CD151: variants seen among roughly 807,000 people sequenced by gnomAD.
CD151 encodes CD151 molecule (Raph blood group).
CD151 carries 20 observed loss-of-function variants against 34.2 expected under a neutral mutation model. The ratio of observed to expected loss-of-function variants is 0.58; its 90% CI spans 0.41 to 0.85. The LOEUF is 0.85. CD151 is among the 40% of genes least tolerant of loss of function. CD151 has a pLI of 0.00. For synonymous variants in CD151, 157 were observed against 131.7 expected (o/e 1.19, Z -1.32); for missense variants, 306 against 324.5 (o/e 0.94, Z 0.44).
chr11:833,341 G>A (rs1192624167), intron 1 of CD151, among the ~76,000 whole-genome samples: 1 of 152,182 alleles, frequency 6.6e-6, no homozygotes, highest in Non-Finnish European at 1.5e-5. Flanking sequence ...CAGGGGTCCC[G>A]GGACGCGCAG....
chr11:833,823 C>CCATCGGTGGCAGACGCACACCCA (rs1846647272), intron 1 of CD151, among the ~76,000 whole-genome samples: 1 of 150,634 alleles, frequency 6.6e-6, no homozygotes, highest in Non-Finnish European at 1.5e-5. Flanking sequence ...CACACCCCGC[C>CCATCGGTGGCAGACGCACACCCA]CCCCGGTGGC....
At position 838,152 on chromosome 11, in the gene CD151, C is replaced by T. The variant is rs1846852859; in HGVS notation, c.722C>T (p.Thr241Met). The T allele has an allele frequency of 2.9e-5, 46 of 1,613,228 alleles. No homozygotes were observed. The highest frequency in any genetic ancestry group is 3.5e-5 in the Non-Finnish European group (41 of 1,179,866). Residue 241 changes from threonine to methionine, a missense_variant, in exon 9 of 9, where the codon ACG (threonine) becomes ATG (methionine). Thr to Met is a moderately conservative substitution (Grantham distance 81, BLOSUM62 -1). Transcript: ENST00000397420. ...ACACAGGTCTTTGGCATGATCTTCA[C>T]GTGCTGCCTGTACAGGAGTCTCAAG... ...ACVQVFGMIFTCCLYRSLKLE... is the reference protein window; with the variant it reads ...ACVQVFGMIFMCCLYRSLKLE...
Position 837,365 on chromosome 11 carries a change from G to A in CD151, c.456+11G>A, listed in dbSNP as rs368779993. On this transcript the variant is annotated intron_variant, in intron 6 of 8. Coordinates refer to ENST00000397420, the MANE Select transcript of CD151 (RefSeq NM_004357.5). ...CAGCTGCAGCAGGAGGTGGGTGGGT[G>A]GTGCTGGGAGGGCGCGTGCATCCCC... The A allele has an allele frequency of 2.5e-6, 4 of 1,610,994 alleles. No homozygotes were observed. The South Asian group carries it at 4.4e-5, about 18-fold the overall frequency.
chr11:838,705 A>T lies in CD151; in HGVS notation c.*513A>T. The T allele has an allele frequency of 4.8e-6, 1 of 208,666 alleles. No individual in the cohort carries two copies. The highest frequency in any genetic ancestry group is 9.8e-6 in the Non-Finnish European group (1 of 101,686). 12.9% of individuals were successfully genotyped at this position (208,666 alleles called of 1,614,324 possible). On this transcript the variant is annotated 3_prime_UTR_variant, in exon 9 of 9. Transcript: ENST00000397420. ...CCACCACCCGAAATGCCACGTGGTC[A>T]CTGTGCACTGCCCTGTTCATGTGCC...
intron 3 of CD151, 40 bp downstream of exon 3, chr11:836,193 C>A (rs746305303): frequency 1.3e-6 from 2 of 1,557,160 alleles, no homozygotes; most frequent in Non-Finnish European, 1.8e-6. Flanking sequence ...CACCCCCACC[C>A]CTCCCGGGCC....
chr11:837,664 G>GTGCCCCCCCCCACCTC, intron 7 of CD151, 46 bp downstream of exon 7: 1 of 1,527,988 alleles, frequency 6.5e-7, no homozygotes, highest in Non-Finnish European at 8.8e-7. Flanking sequence ...CGAGGTGGTG[G>GTGCCCCCCCCCACCTC]GGGGGCACCC....
At chr11:835,054 C>A (rs1237121309) in intron 2 of CD151, 2 of 152,270 alleles carry the variant, frequency 1.3e-5, no homozygotes, top group Admixed American at 6.5e-5. Flanking sequence ...GACGTGCGGC[C>A]CCGGGAATGC....
At chr11:836,971 G>T (rs28620453) in intron 5 of CD151, 128 bp downstream of exon 5, 12 of 813,640 alleles carry the variant, frequency 1.5e-5, no homozygotes, top group South Asian at 9.1e-5. Context: ...ATGTGCCACT[G>T]GGCCCTGGAG....
At position 836,807 on chromosome 11, in the gene CD151, C is replaced by G; in HGVS notation, c.315C>G (p.Ile105Met). The change falls in exon 5 of 9, where the codon ATC (isoleucine) becomes ATG (methionine). Residue 105 changes from isoleucine (I) to methionine (M), a missense_variant. Coordinates refer to ENST00000397420, the MANE Select transcript of CD151 (RefSeq NM_004357.5). ...ILLLIIFLLE[I>M]IAGILAYAYY... The stretch of plus-strand genomic sequence containing the variant: ...TCCTCATCATCTTTCTGCTGGAGAT[C>G]ATCGCTGGTATCCTCGCCTACGCCT... 1 of 1,612,790 alleles carries G rather than the reference C, an allele frequency of 6.2e-7. No homozygotes were observed. Among genetic ancestry groups the G allele is most frequent in the Non-Finnish European group, 8.5e-7 (1 of 1,179,928 alleles).
rs747900026 is a variant in CD151 at position 837,546 on chromosome 11, A to G, written c.543A>G (p.Pro181=). ...AGGAGGCCGGTGGCCGTGTGGTCCC[A>G]GACAGCTGCTGCAAGACGGTGGTGG... ...RSQEAGGRVV[P]DSCCKTVVAL... Residue 181 remains proline, a synonymous_variant, in exon 7 of 9, where the codon CCA becomes CCG. Transcript: ENST00000397420. 3 of 1,613,140 alleles carry G rather than the reference A, an allele frequency of 1.9e-6. 1 individual carries two copies. The South Asian group carries it at 3.3e-5, about 18-fold the overall frequency.
At chr11:837,665 G>C in intron 7 of CD151, 47 bp downstream of exon 7, 1 of 1,582,550 alleles carries the variant, frequency 6.3e-7, no homozygotes, top group East Asian at 2.2e-5. Context: ...GAGGTGGTGG[G>C]GGGGCACCCC....
chr11:838,542 C>A lies in CD151; in HGVS notation c.*350C>A. On this transcript the variant is annotated 3_prime_UTR_variant, in exon 9 of 9. Transcript: ENST00000397420. Reference sequence around the variant, plus strand: ...CCCCAGGCCCTTCAGGAACTGGGGCCTTGCCTTGCAGCCACATGGCCCCAT... The same window carrying A: ...CCCCAGGCCCTTCAGGAACTGGGGCATTGCCTTGCAGCCACATGGCCCCAT... 6 of 373,604 alleles carry A rather than the reference C, an allele frequency of 1.6e-5. No individual in the cohort carries two copies. Among genetic ancestry groups the A allele is most frequent in the Admixed American group, 4.4e-5 (1 of 22,740 alleles). The allele number at this position is 373,604 out of a possible 1,614,324, so 23.1% of individuals were successfully genotyped here.
In CD151 at chr11:837,622, G is replaced by C. The variant is rs746793308; in HGVS notation, c.615+4G>C. 5 of 1,611,002 alleles carry C rather than the reference G, an allele frequency of 3.1e-6. No individual in the cohort carries two copies. Among genetic ancestry groups the C allele is most frequent in the Non-Finnish European group, 4.2e-6 (5 of 1,179,380 alleles). Reference sequence around the variant, plus strand: ...CTCCAACATCTACAAGGTGGAGGTGGGTGTGCAGCGGGATCATGCCTCCAG... The same window carrying C: ...CTCCAACATCTACAAGGTGGAGGTGCGTGTGCAGCGGGATCATGCCTCCAG... On this transcript the variant is annotated splice_donor_region_variant and intron_variant, in intron 7 of 8. Transcript: ENST00000397420.
chr11:838,510 C>T lies in CD151; in HGVS notation c.*318C>T, dbSNP rs1280304784. 2 of 500,138 alleles carry T rather than the reference C, an allele frequency of 4.0e-6. No individual in the cohort carries two copies. The highest frequency in any genetic ancestry group is 2.3e-5 in the South Asian group (1 of 44,026). The allele number at this position is 500,138 out of a possible 1,614,324, so 31.0% of individuals were successfully genotyped here. On this transcript the variant is annotated 3_prime_UTR_variant, in exon 9 of 9. Transcript: ENST00000397420. ...AGCGTTCCCAGCAGGGGGAGAAACC[C>T]TTCACACCCCAGGCCCTTCAGGAAC...
chr11:837,725 T>TG (rs914331209), intron 7 of CD151, 107 bp downstream of exon 7: 87 of 1,220,350 alleles, frequency 7.1e-5, no homozygotes, highest in Middle Eastern at 2.8e-4. Context: ...TACCAGGAGG[T>TG]GGGGGGTCAC....
intron 4 of CD151, 24 bp from the exon 5 acceptor site, chr11:836,745 G>A: frequency 1.9e-6 from 3 of 1,610,544 alleles, no homozygotes; most frequent in Non-Finnish European, 2.5e-6. Context: ...CAGAACAAGG[G>A]TGCCCTTGTG....
rs774956479 is a variant in CD151, at chr11:838,172, C to T, written c.742C>T (p.Leu248Phe). The change falls in exon 9 of 9, where the codon CTC becomes TTC. Residue 248 changes from leucine to phenylalanine, a missense_variant. Physicochemically the swap from Leu to Phe is conservative, Grantham distance 22. Coordinates refer to ENST00000397420, the MANE Select transcript of CD151 (RefSeq NM_004357.5). ...MIFTCCLYRS[L>F]KLEHY ...CTTCACGTGCTGCCTGTACAGGAGT[C>T]TCAAGCTGGAGCACTACTGACCCTG... 3.1e-6 allele frequency: 5 copies of T among 1,613,162 alleles called. No homozygotes were observed. The East Asian group carries it at 6.7e-5, about 22-fold the overall frequency.
At position 838,689 on chromosome 11, in the gene CD151, G is replaced by A. The variant is rs549755029; in HGVS notation, c.*497G>A. On this transcript the variant is annotated 3_prime_UTR_variant, in exon 9 of 9. Coordinates refer to ENST00000397420, the MANE Select transcript of CD151 (RefSeq NM_004357.5). ...TTCCCCACCGCAGTCACCACCACCCGAAATGCCACGTGGTCACTGTGCACT... is the reference window on the plus strand; with the variant it reads ...TTCCCCACCGCAGTCACCACCACCCAAAATGCCACGTGGTCACTGTGCACT... 5 of 209,216 alleles carry A rather than the reference G, an allele frequency of 2.4e-5. No homozygotes were observed. The highest frequency in any genetic ancestry group is 1.2e-4 in the East Asian group (1 of 8,012). 13.0% of individuals were successfully genotyped at this position (209,216 alleles called of 1,614,324 possible). A position where few individuals can be genotyped will look rare whatever the true frequency, so the allele number is the denominator to read the frequency against.
chr11:836,690 G>T (rs1846785876), intron 4 of CD151, 79 bp from the exon 5 acceptor site: 2 of 1,405,658 alleles, frequency 1.4e-6, no homozygotes, highest in Non-Finnish European at 2.0e-6. Context: ...GGGAGCCGGG[G>T]TGGGGACTCT....
Sources: gnomAD v4.1 joint callset for allele counts (sites outside exome capture counted in the v4.1 genomes callset) on GRCh38, gnomAD v4.1.1 for gene constraint, MANE v1.5 for transcripts, NCBI Gene and HGNC (gene_info 2026-07-23, HGNC 2026-07-21) for gene names.